ASIC2: variants seen among roughly 807,000 people sequenced by gnomAD.
ASIC2 encodes the protein acid-sensing ion channel 2.
Under a neutral mutation model 57.3 loss-of-function variants are expected in ASIC2, and 25 were observed. The ratio of observed to expected loss-of-function variants is 0.44; its 90% CI spans 0.32 to 0.61. ASIC2 has a LOEUF of 0.61. ASIC2 is among the 20% of genes least tolerant of loss of function. ASIC2 has a pLI of 0.06. For synonymous variants in ASIC2, 319 were observed against 307.5 expected, an observed-to-expected ratio of 1.04 and a Z score of -0.39; for missense variants, 641 against 738.1, an observed-to-expected ratio of 0.87 and a Z score of 1.52.
intron 1 of ASIC2, among the ~76,000 whole-genome samples, chr17:33,461,694 G>A (rs1912641919): frequency 6.6e-6 from 1 of 152,146 alleles, no homozygotes. Context: ...TACATGAGAA[G>A]GGTGTGTTTA....
At chr17:33,777,023 G>A (rs1434725477) in intron 1 of ASIC2, among the ~76,000 whole-genome samples, 1 of 152,056 alleles carries the variant, frequency 6.6e-6, no homozygotes, top group Non-Finnish European at 1.5e-5. Flanking sequence ...CCACCAAGCC[G>A]ATGTCTGCCT....
At chr17:33,798,113 G>A (rs370332602) in intron 1 of ASIC2, among the ~76,000 whole-genome samples, 55 of 152,210 alleles carry the variant, frequency 3.6e-4, no homozygotes, top group African/African-American at 1.3e-3. Flanking sequence ...AAATGAAGTG[G>A]GAAAAGGATG....
intron 1 of ASIC2, among the ~76,000 whole-genome samples, chr17:33,371,845 C>G (rs1464738980): frequency 2.0e-5 from 3 of 152,020 alleles, no homozygotes; most frequent in African/African-American, 7.2e-5. Flanking sequence ...GGCTCCAGAG[C>G]CTTTAAAATG....
chr17:33,570,461 G>A (rs1916396003), intron 1 of ASIC2, among the ~76,000 whole-genome samples: 2 of 152,192 alleles, frequency 1.3e-5, no homozygotes, highest in African/African-American at 4.8e-5. Flanking sequence ...TCACCTAGAA[G>A]CCTGTTTGGC....
chr17:33,839,660 T>A (rs1378413209), intron 1 of ASIC2, among the ~76,000 whole-genome samples: 1 of 152,184 alleles, frequency 6.6e-6, no homozygotes, highest in Admixed American at 6.5e-5. Context: ...CAGTTAATTA[T>A]TCTAGCTGGC....
intron 3 of ASIC2, among the ~76,000 whole-genome samples, chr17:33,084,382 TGCCA>T (rs199886897): frequency 0.013 from 1,923 of 152,318 alleles, 35 homozygotes; most frequent in African/African-American, 0.044. Context: ...AAGACCAGCC[TGCCA>T]GCCAGTCCCT....
At chr17:33,732,697 G>T (rs1046609190) in intron 1 of ASIC2, among the ~76,000 whole-genome samples, 19 of 151,940 alleles carry the variant, frequency 1.3e-4, no homozygotes, top group African/African-American at 4.6e-4. Flanking sequence ...GAGTGCAGTG[G>T]TGAGATCTCA....
chr17:33,445,797 C>CAAAAA (rs60125160), intron 1 of ASIC2, among the ~76,000 whole-genome samples: 12 of 120,940 alleles, frequency 9.9e-5, no homozygotes, highest in Admixed American at 3.6e-4. Flanking sequence ...AACTCCATCT[C>CAAAAA]AAAAAAAAAA....
intron 1 of ASIC2, among the ~76,000 whole-genome samples, chr17:33,913,754 TAA>T (rs145833413): frequency 0.011 from 1,663 of 152,308 alleles, 31 homozygotes; most frequent in African/African-American, 0.038. Flanking sequence ...AATAAAATGA[TAA>T]GTGTATGTCA....
intron 1 of ASIC2, among the ~76,000 whole-genome samples, chr17:33,967,985 G>A (rs1047079190): frequency 1.3e-5 from 2 of 152,172 alleles, no homozygotes; most frequent in African/African-American, 4.8e-5. Context: ...AGCCAGTCCT[G>A]GAAGCAGCTG....
chr17:33,235,763 A>G (rs1200662065), intron 1 of ASIC2, among the ~76,000 whole-genome samples: 5 of 152,154 alleles, frequency 3.3e-5, no homozygotes, highest in African/African-American at 4.8e-5. Flanking sequence ...GATGGATCAG[A>G]CCCAGAGTCA....
intron 1 of ASIC2, among the ~76,000 whole-genome samples, chr17:33,731,462 G>T (rs370164406): frequency 2.0e-4 from 30 of 152,250 alleles, no homozygotes; most frequent in African/African-American, 7.0e-4. Flanking sequence ...TGGAAAGTTT[G>T]AATCAAATGT....
At chr17:33,124,798 T>C (rs1172949731) in intron 1 of ASIC2, among the ~76,000 whole-genome samples, 3 of 152,224 alleles carry the variant, frequency 2.0e-5, no homozygotes, top group Non-Finnish European at 2.9e-5. Context: ...AAGAAATAAT[T>C]AGGTAACTCA....
intron 1 of ASIC2, among the ~76,000 whole-genome samples, chr17:33,728,360 A>T (rs1282443536): frequency 6.6e-6 from 1 of 151,988 alleles, no homozygotes; most frequent in Non-Finnish European, 1.5e-5. Context: ...TTGTACCCTG[A>T]TTTGGCTTTC....
intron 3 of ASIC2, among the ~76,000 whole-genome samples, chr17:33,086,567 ACT>A (rs1598268948): frequency 1.3e-5 from 2 of 152,030 alleles, no homozygotes; most frequent in East Asian, 3.9e-4. Context: ...CCTTGACCAG[ACT>A]CTAGCCAGGC....
chr17:33,815,900 T>C (rs1597887582), intron 1 of ASIC2, among the ~76,000 whole-genome samples: 1 of 152,198 alleles, frequency 6.6e-6, no homozygotes, highest in Non-Finnish European at 1.5e-5. Context: ...GTGTATTGGG[T>C]ACTTATGATA....
intron 1 of ASIC2, among the ~76,000 whole-genome samples, chr17:33,251,490 C>T (rs984426192): frequency 6.6e-6 from 1 of 152,088 alleles, no homozygotes; most frequent in South Asian, 2.1e-4. Flanking sequence ...CCACCATGCT[C>T]GTCTAATTTT....
intron 1 of ASIC2, among the ~76,000 whole-genome samples, chr17:33,993,057 C>T (rs1906049994): frequency 6.6e-6 from 1 of 152,114 alleles, no homozygotes; most frequent in Non-Finnish European, 1.5e-5. Flanking sequence ...TTTTCTATGC[C>T]CACATGATTT....
Position 33,612,023 on chromosome 17 carries a change from C to T in ASIC2, c.556-499956G>A, listed in dbSNP as rs147939262. Among the ~76,000 whole-genome samples the T allele has an allele frequency of 5.5e-3, 834 of 152,236 alleles. 8 individuals carry two copies. Among genetic ancestry groups the T allele is most frequent in the African/African-American group, 0.019 (787 of 41,538 alleles). On this transcript the variant is annotated intron_variant, in intron 1 of 9. Coordinates refer to the ASIC2 transcript ENST00000359872. ...AGGGCTGATACAGTAAATTCTAGTC[C>T]AAGTCCACGTCTGAAGGAAGAAGAC...
Sources: gnomAD v4.1 joint callset for allele counts (sites outside exome capture counted in the v4.1 genomes callset) on GRCh38, gnomAD v4.1.1 for gene constraint, MANE v1.5 for transcripts, NCBI Gene and HGNC (gene_info 2026-07-23, HGNC 2026-07-21) for gene names.